CRISPLD2: variants seen among roughly 807,000 people sequenced by gnomAD.
The protein encoded by CRISPLD2 is cysteine-rich secretory protein LCCL domain-containing 2.
Under a neutral mutation model 71.1 loss-of-function variants are expected in CRISPLD2, and 47 were observed. That is an observed-to-expected ratio of 0.66 (90% CI 0.52 to 0.84). The LOEUF is 0.84. Ranked by LOEUF, CRISPLD2 falls within the 40% of genes least tolerant of loss-of-function variation. CRISPLD2 has a pLI of 0.00. For synonymous variants in CRISPLD2, 317 were observed against 250.1 expected (o/e 1.27, Z -2.52); for missense variants, 830 against 651.1 (o/e 1.27, Z -2.99).
Position 84,850,570 on chromosome 16 carries a change from A to G in CRISPLD2, c.495A>G (p.Ile165Met), listed in dbSNP as rs1597457942. Residue 165 changes from isoleucine (I) to methionine (M), a missense_variant and splice_region_variant, in exon 5 of 15, where the codon ATA (isoleucine) becomes ATG (methionine). Coordinates refer to ENST00000262424, the MANE Select transcript of CRISPLD2 (RefSeq NM_031476.4). The part of the protein sequence containing the change: ...SGPMCTHYTQ[I>M]VWATTNKIGC... Reference sequence around the variant, plus strand: ...ACACACAAATGTCATCTTTTCAGATAGTTTGGGCCACCACCAACAAGATCG... The same window carrying G: ...ACACACAAATGTCATCTTTTCAGATGGTTTGGGCCACCACCAACAAGATCG... 2 of 1,613,722 alleles carry G rather than the reference A, an allele frequency of 1.2e-6. No individual in the cohort carries two copies. Among genetic ancestry groups the G allele is most frequent in the Non-Finnish European group, 8.5e-7 (1 of 1,179,628 alleles).
intron 3 of CRISPLD2, 137 bp from the exon 4 acceptor site, chr16:84,849,248 G>A (rs928232253): frequency 1.6e-5 from 13 of 833,380 alleles, no homozygotes; most frequent in Non-Finnish European, 2.4e-5. Context: ...CCTCCCGGCT[G>A]CCCGTGGCTG....
At chr16:84,823,398 T>C (rs991089818) in intron 1 of CRISPLD2, among the ~76,000 whole-genome samples, 4 of 152,218 alleles carry the variant, frequency 2.6e-5, no homozygotes, top group African/African-American at 7.2e-5. Context: ...CTGGGTCATA[T>C]GGTAACTTTA....
At chr16:84,875,511 T>C (rs1319746022) in intron 11 of CRISPLD2, among the ~76,000 whole-genome samples, 2 of 149,406 alleles carry the variant, frequency 1.3e-5, no homozygotes, top group East Asian at 4.1e-4. Context: ...CAGTGTGGCC[T>C]AGGGAAGCCA....
intron 14 of CRISPLD2, among the ~76,000 whole-genome samples, chr16:84,901,013 GCACACACACACACA>G (rs3222775): frequency 0.022 from 3,060 of 140,166 alleles, 113 homozygotes; most frequent in African/African-American, 0.075. Context: ...TGGTGTCACT[GCACACACACACACA>G]CACACACACA....
At chr16:84,828,870 A>G (rs1045039442) in intron 1 of CRISPLD2, 1 of 152,152 alleles carries the variant, frequency 6.6e-6, no homozygotes, top group Non-Finnish European at 1.5e-5. Flanking sequence ...TTTTTGCTCA[A>G]TTAAGCATCC....
At chr16:84,882,818 C>T (rs2071580380) in intron 13 of CRISPLD2, among the ~76,000 whole-genome samples, 1 of 152,228 alleles carries the variant, frequency 6.6e-6, no homozygotes, top group Non-Finnish European at 1.5e-5. Context: ...CTCATAGTAA[C>T]CTGTCCAAAT....
intron 3 of CRISPLD2, among the ~76,000 whole-genome samples, chr16:84,847,693 C>G (rs1335556634): frequency 6.6e-6 from 1 of 152,006 alleles, no homozygotes; most frequent in Non-Finnish European, 1.5e-5. Flanking sequence ...AGTGAAGTGT[C>G]TAAAGCAGGG....
At chr16:84,891,868 C>G (rs2071665954) in intron 14 of CRISPLD2, among the ~76,000 whole-genome samples, 1 of 152,320 alleles carries the variant, frequency 6.6e-6, no homozygotes, top group East Asian at 1.9e-4. Context: ...TCCTGTGACA[C>G]CCACCCAAAT....
At chr16:84,838,793 C>T (rs745867911) in intron 2 of CRISPLD2, 58 bp downstream of exon 2, 176 of 1,557,916 alleles carry the variant, frequency 1.1e-4, no homozygotes, top group Non-Finnish European at 1.4e-4. Context: ...GGGCCACCAG[C>T]CTGCTCTGTT....
In CRISPLD2 at chr16:84,906,670, T is replaced by G. The variant is rs1190928597; in HGVS notation, c.*28T>G. On this transcript the variant is annotated 3_prime_UTR_variant, in exon 15 of 15. Transcript: ENST00000262424. ...TTCCAGCACCAGGGGAGAAGGGGCG[T>G]CTTCAGGAGGGCTTCGGGGTTTTGC... The G allele has an allele frequency of 1.2e-6, 2 of 1,613,538 alleles. No homozygotes were observed. Among genetic ancestry groups the G allele is most frequent in the Admixed American group, 3.3e-5 (2 of 60,026 alleles).
intron 1 of CRISPLD2, among the ~76,000 whole-genome samples, chr16:84,827,397 G>A (rs1056434343): frequency 4.0e-5 from 6 of 151,844 alleles, no homozygotes; most frequent in African/African-American, 1.2e-4. Context: ...AGTCCTCACC[G>A]TGGCCTTCAA....
In CRISPLD2 at chr16:84,873,813, A is replaced by T. The variant is rs7194741; in HGVS notation, c.1113-107A>T. On this transcript the variant is annotated intron_variant, in intron 10 of 14. Transcript: ENST00000262424. ...ATAGGAAACAAGTAGAAAAGTGTGAAGTCGAGACTGCAAATAAGATAAGTA... is the reference window on the plus strand; with the variant it reads ...ATAGGAAACAAGTAGAAAAGTGTGATGTCGAGACTGCAAATAAGATAAGTA... 5,608 of 1,019,084 alleles carry T rather than the reference A, an allele frequency of 5.5e-3. 217 individuals carry two copies. In the African/African-American group the frequency reaches 0.082, roughly 15 times the overall value. The allele number at this position is 1,019,084 out of a possible 1,614,324, so 63.1% of individuals were successfully genotyped here.
chr16:84,891,123 A>G (rs2071658463), intron 14 of CRISPLD2, among the ~76,000 whole-genome samples: 1 of 152,184 alleles, frequency 6.6e-6, no homozygotes, highest in Non-Finnish European at 1.5e-5. Flanking sequence ...GGTGCACTTG[A>G]GGGTTAGGAC....
chr16:84,899,943 G>A (rs1034195644), intron 14 of CRISPLD2, among the ~76,000 whole-genome samples: 12 of 152,110 alleles, frequency 7.9e-5, no homozygotes, highest in South Asian at 2.1e-4. Context: ...GTAACTTGTG[G>A]CCCTGGTTGG....
intron 14 of CRISPLD2, among the ~76,000 whole-genome samples, chr16:84,894,108 G>C (rs1269195140): frequency 6.6e-6 from 1 of 152,160 alleles, no homozygotes; most frequent in Non-Finnish European, 1.5e-5. Context: ...TCCTCCTCTA[G>C]AAGAGGACTT....
In CRISPLD2 at chr16:84,908,680, C is replaced by CTTTTTTTTTTTTTTT. The variant is rs202056163; in HGVS notation, c.*2047_*2061dup. ...CTTGCCCAGAGCAGGACCTGGCTGT[C>CTTTTTTTTTTTTTTT]TTTTTTTTTTTTTTTTTTTTTTTCC... On this transcript the variant is annotated 3_prime_UTR_variant, in exon 15 of 15. Coordinates refer to ENST00000262424, the MANE Select transcript of CRISPLD2 (RefSeq NM_031476.4). 1 of 117,466 alleles carries CTTTTTTTTTTTTTTT rather than the reference C, an allele frequency of 8.5e-6. No individual in the cohort carries two copies. The highest frequency in any genetic ancestry group is 1.7e-5 in the Non-Finnish European group (1 of 58,126). 7.3% of individuals were successfully genotyped at this position (117,466 alleles called of 1,614,324 possible). A position where few individuals can be genotyped will look rare whatever the true frequency, so the allele number is the denominator to read the frequency against.
chr16:84,867,869 G>T (rs4303473), intron 7 of CRISPLD2, among the ~76,000 whole-genome samples: 2 of 151,956 alleles, frequency 1.3e-5, no homozygotes, highest in African/African-American at 4.8e-5. Flanking sequence ...CTTTTGTTCT[G>T]TCTGCCTTCA....
chr16:84,880,624 T>G (rs750246641), intron 13 of CRISPLD2, 40 bp downstream of exon 13: 14 of 1,534,042 alleles, frequency 9.1e-6, no homozygotes, highest in Non-Finnish European at 1.3e-5. Context: ...TCGCAAAGCC[T>G]GTTAAAGACC....
At chr16:84,886,603 G>A (rs748111746) in intron 13 of CRISPLD2, among the ~76,000 whole-genome samples, 11 of 152,132 alleles carry the variant, frequency 7.2e-5, no homozygotes, top group Admixed American at 4.6e-4. Context: ...TGGGAGGATC[G>A]TTTGAGGCCA....
Sources: gnomAD v4.1 joint callset for allele counts (sites outside exome capture counted in the v4.1 genomes callset) on GRCh38, gnomAD v4.1.1 for gene constraint, MANE v1.5 for transcripts, NCBI Gene and HGNC (gene_info 2026-07-23, HGNC 2026-07-21) for gene names.